Variants in KHDRBS3 observed in about 807,000 individuals in gnomAD.
KHDRBS3 encodes KH RNA binding domain containing, signal transduction associated 3, also known as KH domain-containing, RNA-binding, signal transduction-associated protein 3.
KHDRBS3 carries 23 observed loss-of-function variants against 45.6 expected under a neutral mutation model. The observed-to-expected ratio is 0.50, with a 90% CI of 0.36 to 0.72. KHDRBS3 has a LOEUF of 0.72. KHDRBS3 is among the 30% of genes least tolerant of loss of function. The pLI, the probability that KHDRBS3 is intolerant of heterozygous loss-of-function variation, is 0.00. For synonymous variants in KHDRBS3, 162 were observed against 156.5 expected (o/e 1.04, Z -0.26); for missense variants, 352 against 424.8 (o/e 0.83, Z 1.51).
intron 3 of KHDRBS3, among the ~76,000 whole-genome samples, chr8:135,547,071 C>G (rs1196078805): frequency 1.3e-5 from 2 of 152,088 alleles, no homozygotes; most frequent in Non-Finnish European, 2.9e-5. Flanking sequence ...AATTGCTGTA[C>G]ATAGAATGCA....
At chr8:135,609,634 C>T (rs1829627598) in intron 7 of KHDRBS3, among the ~76,000 whole-genome samples, 1 of 149,096 alleles carries the variant, frequency 6.7e-6, no homozygotes, top group Non-Finnish European at 1.5e-5. Context: ...TAAATACACA[C>T]ATTTGCATAG....
chr8:135,482,612 C>T (rs755727714), intron 1 of KHDRBS3, among the ~76,000 whole-genome samples: 10 of 152,136 alleles, frequency 6.6e-5, no homozygotes, highest in South Asian at 2.1e-4. Flanking sequence ...TTTTTGGGCG[C>T]GTGTGTATGC....
chr8:135,497,032 TTCAG>T (rs1356813882), intron 1 of KHDRBS3, among the ~76,000 whole-genome samples: 3 of 152,180 alleles, frequency 2.0e-5, no homozygotes, highest in Admixed American at 6.5e-5. Context: ...ATTCTTTTGG[TTCAG>T]TCAGTCAGTA....
intron 6 of KHDRBS3, among the ~76,000 whole-genome samples, chr8:135,590,829 T>C (rs1296274742): frequency 6.6e-6 from 1 of 152,200 alleles, no homozygotes; most frequent in African/African-American, 2.4e-5. Context: ...TTAATTATGA[T>C]TGCATCAGCT....
intron 6 of KHDRBS3, among the ~76,000 whole-genome samples, chr8:135,592,122 T>C (rs1203143978): frequency 6.6e-6 from 1 of 152,160 alleles, no homozygotes; most frequent in African/African-American, 2.4e-5. Flanking sequence ...TGAAATGTCT[T>C]ATCAGGAGCT....
intron 1 of KHDRBS3, among the ~76,000 whole-genome samples, chr8:135,483,771 G>A (rs535426869): frequency 6.6e-6 from 1 of 152,264 alleles, no homozygotes; most frequent in African/African-American, 2.4e-5. Context: ...TACTTGGAGT[G>A]TTTGATGCTT....
chr8:135,458,642 T>C lies in KHDRBS3; in HGVS notation c.88+688T>C, dbSNP rs964827328. 5.8e-5 allele frequency: 20 copies of C among 343,964 alleles called. No individual in the cohort carries two copies. The Admixed American group carries it at 7.7e-4, about 13-fold the overall frequency. The allele number at this position is 343,964 out of a possible 1,614,324, so 21.3% of individuals were successfully genotyped here. A position where few individuals can be genotyped will look rare whatever the true frequency, so the allele number is the denominator to read the frequency against. On this transcript the variant is annotated intron_variant, in intron 1 of 8. Transcript: ENST00000355849. The stretch of plus-strand genomic sequence containing the variant: ...CCTTGCAGGCTGGCCCTTGGAGAAG[T>C]CAGTAGGGGAGAAGAGGCCGGCAAA...
At chr8:135,617,621 G>A (rs781714908) in intron 7 of KHDRBS3, among the ~76,000 whole-genome samples, 34 of 152,180 alleles carry the variant, frequency 2.2e-4, no homozygotes, top group Non-Finnish European at 3.8e-4. Flanking sequence ...AGGAAATTGT[G>A]GCACAGAGAC....
At chr8:135,545,088 T>C (rs1826225564) in intron 3 of KHDRBS3, among the ~76,000 whole-genome samples, 1 of 152,098 alleles carries the variant, frequency 6.6e-6, no homozygotes. Context: ...TTCAGAGAAT[T>C]TGAATATATT....
intron 1 of KHDRBS3, among the ~76,000 whole-genome samples, chr8:135,472,141 C>T (rs1172285956): frequency 6.6e-6 from 1 of 152,176 alleles, no homozygotes; most frequent in African/African-American, 2.4e-5. Context: ...CTTCCGGATA[C>T]TGATTTTGAG....
chr8:135,458,882 G>T, intron 1 of KHDRBS3: 2 of 456,258 alleles, frequency 4.4e-6, no homozygotes, highest in South Asian at 3.1e-5. Context: ...TCCTCCTGTG[G>T]CTTCCTGAAT....
chr8:135,482,745 G>C (rs1473614363), intron 1 of KHDRBS3, among the ~76,000 whole-genome samples: 1 of 152,070 alleles, frequency 6.6e-6, no homozygotes, highest in African/African-American at 2.4e-5. Flanking sequence ...TTAGCTGTGA[G>C]GATTTGGGCA....
chr8:135,578,512 T>A (rs1435435624), intron 5 of KHDRBS3, among the ~76,000 whole-genome samples: 1 of 152,224 alleles, frequency 6.6e-6, no homozygotes, highest in Non-Finnish European at 1.5e-5. Flanking sequence ...CTTTGCTCCT[T>A]TGTCAGTAAT....
At chr8:135,651,516 A>C (rs1831428287), downstream of KHDRBS3, among the ~76,000 whole-genome samples, 1 of 152,096 alleles carries the variant, frequency 6.6e-6, no homozygotes, top group Non-Finnish European at 1.5e-5. Context: ...AGGACAAGGG[A>C]CATGTAATGA....
At chr8:135,542,898 C>A in intron 3 of KHDRBS3, 128 bp downstream of exon 3, 1 of 632,106 alleles carries the variant, frequency 1.6e-6, no homozygotes, top group Admixed American at 2.9e-5. Flanking sequence ...AAAATTGAGT[C>A]ACTCTGGTCA....
intron 1 of KHDRBS3, among the ~76,000 whole-genome samples, chr8:135,476,325 G>T (rs1822281848): frequency 6.6e-6 from 1 of 152,066 alleles, no homozygotes; most frequent in Non-Finnish European, 1.5e-5. Context: ...TGTGTTTTCA[G>T]TAGAGATGGG....
At chr8:135,530,982 C>G (rs1825445852) in intron 2 of KHDRBS3, among the ~76,000 whole-genome samples, 1 of 152,028 alleles carries the variant, frequency 6.6e-6, no homozygotes, top group Admixed American at 6.6e-5. Context: ...TATCATTCAC[C>G]CCACTTGTAG....
At chr8:135,606,647 T>C (rs1291845698) in intron 6 of KHDRBS3, among the ~76,000 whole-genome samples, 1 of 152,098 alleles carries the variant, frequency 6.6e-6, no homozygotes, top group African/African-American at 2.4e-5. Context: ...AGCTCACTGT[T>C]CTTACCAGGA....
intron 1 of KHDRBS3, among the ~76,000 whole-genome samples, chr8:135,517,033 A>G (rs1824646578): frequency 6.6e-6 from 1 of 152,222 alleles, no homozygotes; most frequent in Non-Finnish European, 1.5e-5. Context: ...AAAAGAGGCC[A>G]TTGCTTAGGA....
Sources: allele counts gnomAD v4.1 joint callset (sites outside exome capture counted in the v4.1 genomes callset), GRCh38; gene constraint gnomAD v4.1.1; transcripts MANE v1.5; gene names NCBI Gene and HGNC (gene_info 2026-07-23, HGNC 2026-07-21).